The following SLC3A1 variants were observed in gnomAD, a reference collection of about 807,000 sequenced individuals.
SLC3A1 encodes solute carrier family 3 member 1, also known as amino acid transporter heavy chain SLC3A1.
A neutral mutation model predicts 60.3 loss-of-function variants in SLC3A1; 78 were observed. That is an observed-to-expected ratio of 1.29 (90% CI 1.08 to 1.56). The LOEUF is 1.56. SLC3A1 is among the 40% of genes most tolerant of loss of function. The probability of loss-of-function intolerance (pLI) is 0.00; values close to 1 mark genes in which losing one functional copy is unlikely to be tolerated. For missense variants in SLC3A1, 1,172 were observed against 858.9 expected, an observed-to-expected ratio of 1.36 and a Z score of -4.56; for synonymous variants, 392 against 307.9, an observed-to-expected ratio of 1.27 and a Z score of -2.86.
At chr2:44,316,612 T>G (rs1239628521) in intron 9 of SLC3A1, among the ~76,000 whole-genome samples, 1 of 152,164 alleles carries the variant, frequency 6.6e-6, no homozygotes, top group Non-Finnish European at 1.5e-5. Context: ...TTTGTCTTCT[T>G]TCAGAACAGG....
In SLC3A1 at chr2:44,275,805, C is replaced by A. The variant is rs776764019; in HGVS notation, c.270C>A (p.Phe90Leu). 6.2e-7 allele frequency: 1 copy of A among 1,614,154 alleles called. No individual in the cohort carries two copies. Among genetic ancestry groups the A allele is most frequent in the Admixed American group, 1.7e-5 (1 of 60,016 alleles). Residue 90 changes from phenylalanine (F) to leucine (L), a missense_variant, in exon 1 of 10, where the codon TTC becomes TTA. Transcript: ENST00000260649. The part of the protein sequence containing the change: ...ARYRIPREIL[F>L]WLTVASVLVL... Reference sequence around the variant, plus strand: ...ACCGCATACCTCGGGAGATCCTCTTCTGGCTCACAGTGGCTTCTGTGCTGG... The same window carrying A: ...ACCGCATACCTCGGGAGATCCTCTTATGGCTCACAGTGGCTTCTGTGCTGG...
intron 6 of SLC3A1, among the ~76,000 whole-genome samples, chr2:44,301,856 T>G (rs1162094517): frequency 6.6e-6 from 1 of 151,878 alleles, no homozygotes; most frequent in Non-Finnish European, 1.5e-5. Flanking sequence ...CTGACGGTGT[T>G]CGAGACCAGC....
At chr2:44,315,514 A>G (rs1432912432) in intron 9 of SLC3A1, among the ~76,000 whole-genome samples, 1 of 151,634 alleles carries the variant, frequency 6.6e-6, no homozygotes, top group African/African-American at 2.4e-5. Context: ...AAAAAAAAAA[A>G]AAAAGGGAAA....
intron 4 of SLC3A1, among the ~76,000 whole-genome samples, chr2:44,286,951 T>C (rs1301029851): frequency 1.3e-5 from 2 of 152,212 alleles, no homozygotes; most frequent in Admixed American, 6.5e-5. Flanking sequence ...TTTCATGTCT[T>C]AGCTGTCTCA....
At chr2:44,285,937 A>G in intron 3 of SLC3A1, 95 bp from the exon 4 acceptor site, 2 of 1,489,702 alleles carry the variant, frequency 1.3e-6, no homozygotes, top group African/African-American at 1.4e-5. Flanking sequence ...CAGGATTTAC[A>G]TACTCTGCCT....
intron 7 of SLC3A1, among the ~76,000 whole-genome samples, chr2:44,310,243 C>T (rs1336627163): frequency 1.3e-5 from 2 of 152,140 alleles, no homozygotes; most frequent in South Asian, 2.1e-4. Context: ...AACTGTTTTC[C>T]ATAGTGACTT....
intron 9 of SLC3A1, chr2:44,317,789 T>C (rs1024517462): frequency 6.4e-6 from 1 of 156,218 alleles, no homozygotes; most frequent in Non-Finnish European, 1.4e-5. Flanking sequence ...TAAACAATAG[T>C]ATAACTACAA....
At position 44,304,274 on chromosome 2, in the gene SLC3A1, G is replaced by C. The variant is rs773521247; in HGVS notation, c.1268G>C (p.Ser423Thr). Residue 423 changes from serine (S) to threonine (T), a missense_variant, in exon 7 of 10, where the codon AGC (serine) becomes ACC (threonine). Coordinates refer to ENST00000260649, the MANE Select transcript of SLC3A1 (RefSeq NM_000341.4). ...LSMLDTVSGN[S>T]VYEVITSWME... ...ATGCTAGACACTGTTTCTGGGAACAGCGTGTATGAGGTTATCACATCCTGG... is the reference window on the plus strand; with the variant it reads ...ATGCTAGACACTGTTTCTGGGAACACCGTGTATGAGGTTATCACATCCTGG... 1.8e-5 allele frequency: 29 copies of C among 1,614,042 alleles called. No individual in the cohort carries two copies. The highest frequency in any genetic ancestry group is 2.4e-5 in the Non-Finnish European group (28 of 1,180,004).
In SLC3A1 at chr2:44,301,006, A is replaced by C; in HGVS notation, c.1015A>C (p.Thr339Pro). The C allele has an allele frequency of 2.5e-6, 4 of 1,614,104 alleles. No individual in the cohort carries two copies. Among genetic ancestry groups the C allele is most frequent in the Non-Finnish European group, 3.4e-6 (4 of 1,180,026 alleles). ...CATGTCGTCCTGGTTTTCAAAGGAC[A>C]CGGTCACACAATACTCGGAGCTGTA... is the stretch of plus-strand genomic sequence containing the variant. ...IQVNKTQIPD[T>P]VTQYSELYHD... The change falls in exon 6 of 10, where the codon ACG becomes CCG. Residue 339 changes from threonine to proline, a missense_variant. Coordinates refer to ENST00000260649, the MANE Select transcript of SLC3A1 (RefSeq NM_000341.4).
At position 44,320,436 on chromosome 2, in the gene SLC3A1, A is replaced by T; in HGVS notation, c.1855A>T (p.Arg619Ter). 6.2e-7 allele frequency: 1 copy of T among 1,614,124 alleles called. No homozygotes were observed. Residue 619 changes from arginine to a stop codon, truncating the protein, a stop_gained, in exon 10 of 10, where the codon AGA becomes TGA. Transcript: ENST00000260649. LOFTEE classifies it low-confidence loss of function (END_TRUNC). ...NMISGLPAKM[R>*]IRLSTNSADK... ...GATTTCGGGCCTTCCCGCTAAAATG[A>T]GAATAAGGTTAAGTACCAATTCTGC...
rs2104370199 is a variant in SLC3A1, at chr2:44,304,302, G to A, written c.1296G>A (p.Met432Ile). 2 of 1,614,168 alleles carry A rather than the reference G, an allele frequency of 1.2e-6. No homozygotes were observed. The highest frequency in any genetic ancestry group is 1.7e-6 in the Non-Finnish European group (2 of 1,179,994). The part of the protein sequence containing the change: ...NSVYEVITSW[M>I]ENMPEGKWPN... ...TGTATGAGGTTATCACATCCTGGAT[G>A]GAAAACATGCCAGAAGGAAAATGGC... Residue 432 changes from methionine (M) to isoleucine (I), a missense_variant, in exon 7 of 10, where the codon ATG becomes ATA. Transcript: ENST00000260649.
chr2:44,280,440 T>C (rs1671469115), intron 1 of SLC3A1, among the ~76,000 whole-genome samples: 2 of 152,000 alleles, frequency 1.3e-5, no homozygotes, highest in South Asian at 2.1e-4. Context: ...GGTTTTGTCA[T>C]GTTGGCCAGG....
Position 44,301,076 on chromosome 2 carries a change from G to A in SLC3A1, c.1085G>A (p.Arg362His), listed in dbSNP as rs121912697. Residue 362 changes from arginine (R) to histidine (H), a missense_variant, in exon 6 of 10, where the codon CGC (arginine) becomes CAC (histidine). Arg to His is a conservative substitution (Grantham distance 29, BLOSUM62 0). Transcript: ENST00000260649. Reference sequence around the variant, plus strand: ...CAGGTGGGAATGCACGACATTGTCCGCAGCTTCCGGCAGACCATGGACCAA... The same window carrying A: ...CAGGTGGGAATGCACGACATTGTCCACAGCTTCCGGCAGACCATGGACCAA... ...TTQVGMHDIV[R>H]SFRQTMDQYS... 1.2e-5 allele frequency: 19 copies of A among 1,614,132 alleles called. No homozygotes were observed. The highest frequency in any genetic ancestry group is 8.9e-5 in the East Asian group (4 of 44,884).
At chr2:44,289,852 A>C (rs1026254978) in intron 4 of SLC3A1, among the ~76,000 whole-genome samples, 1 of 151,942 alleles carries the variant, frequency 6.6e-6, no homozygotes, top group Non-Finnish European at 1.5e-5. Flanking sequence ...GCTGGTCTCG[A>C]ACTCCTGACC....
rs759737592 is a variant in SLC3A1, at chr2:44,275,742, C to G, written c.207C>G (p.Pro69=). ...FKGVQPYAGM[P]KEVLFQFSGQ... ...GCGTCCAGCCCTATGCGGGGATGCC[C>G]AAGGAGGTGCTGTTCCAGTTCTCTG... The change falls in exon 1 of 10, where the codon CCC becomes CCG. Residue 69 remains proline (P), a synonymous_variant. Transcript: ENST00000260649. 2 of 1,614,202 alleles carry G rather than the reference C, an allele frequency of 1.2e-6. No homozygotes were observed. The highest frequency in any genetic ancestry group is 2.2e-5 in the South Asian group (2 of 91,086).
intron 1 of SLC3A1, among the ~76,000 whole-genome samples, chr2:44,278,170 C>T (rs1344419776): frequency 1.3e-5 from 2 of 152,052 alleles, no homozygotes; most frequent in Non-Finnish European, 1.5e-5. Context: ...TCAGGCCAGG[C>T]GTGGTGGCTC....
chr2:44,314,201 T>C (rs1399262818), intron 9 of SLC3A1: 2 of 919,908 alleles, frequency 2.2e-6, no homozygotes, highest in Admixed American at 2.9e-5. Flanking sequence ...CAATGACCTT[T>C]ACTAAGGCCT....
At chr2:44,301,275 C>T (rs955678506) in intron 6 of SLC3A1, 148 bp downstream of exon 6, 1 of 1,003,222 alleles carries the variant, frequency 1.0e-6, no homozygotes, top group Non-Finnish European at 1.5e-6. Context: ...TGTACCAGGG[C>T]CTGCCATATT....
intron 9 of SLC3A1, among the ~76,000 whole-genome samples, chr2:44,316,994 G>C (rs1237704148): frequency 6.6e-6 from 1 of 151,644 alleles, no homozygotes; most frequent in Non-Finnish European, 1.5e-5. Context: ...AAAAATCTTA[G>C]TGATTTGATT....
Sources: gnomAD v4.1 joint callset for allele counts (sites outside exome capture counted in the v4.1 genomes callset) on GRCh38, gnomAD v4.1.1 for gene constraint, MANE v1.5 for transcripts, NCBI Gene and HGNC (gene_info 2026-07-23, HGNC 2026-07-21) for gene names.